Variants in STIM2 observed in about 807,000 individuals in gnomAD.
STIM2 encodes stromal interaction molecule 2.
STIM2 carries 31 observed loss-of-function variants against 85.8 expected under a neutral mutation model. The observed-to-expected ratio is 0.36, with a 90% CI of 0.27 to 0.49. The LOEUF is 0.49. Among genes scored for constraint, STIM2 ranks in the 20% least tolerant of loss-of-function variants. The pLI, the probability that STIM2 is intolerant of heterozygous loss-of-function variation, is 0.98. For missense variants in STIM2, 841 were observed against 927.6 expected (o/e 0.91, Z 1.21); for synonymous variants, 356 against 331.1 (o/e 1.08, Z -0.82).
intron 1 of STIM2, among the ~76,000 whole-genome samples, chr4:26,880,208 C>CT (rs1269185353): frequency 3.3e-5 from 5 of 152,102 alleles, no homozygotes; most frequent in Admixed American, 3.3e-4. Flanking sequence ...ATGTGAAACT[C>CT]TTTCTCTGTT....
intron 3 of STIM2, among the ~76,000 whole-genome samples, chr4:26,959,609 T>C (rs911830837): frequency 2.0e-4 from 30 of 152,208 alleles, no homozygotes; most frequent in African/African-American, 6.5e-4. Flanking sequence ...TTTATTAATG[T>C]ATCCTAAATA....
At chr4:26,927,789 T>C (rs1264984925) in intron 2 of STIM2, among the ~76,000 whole-genome samples, 1 of 138,012 alleles carries the variant, frequency 7.2e-6, no homozygotes, top group Non-Finnish European at 1.5e-5. Flanking sequence ...TAATAAAATA[T>C]ATAAATATAA....
intron 1 of STIM2, among the ~76,000 whole-genome samples, chr4:26,890,916 A>G (rs184342953): frequency 1.3e-5 from 2 of 152,048 alleles, no homozygotes; most frequent in South Asian, 4.2e-4. Context: ...TGATTAACCT[A>G]TATGAGCCTG....
chr4:27,005,986 C>A (rs984920721), intron 7 of STIM2, among the ~76,000 whole-genome samples: 2 of 152,170 alleles, frequency 1.3e-5, no homozygotes, highest in Non-Finnish European at 2.9e-5. Flanking sequence ...TGCGGACTTA[C>A]ATTTTGTGGT....
chr4:26,978,270 CATAT>C (rs201973076), intron 3 of STIM2, among the ~76,000 whole-genome samples: 2,491 of 146,494 alleles, frequency 0.017, 35 homozygotes, highest in Non-Finnish European at 0.027. Flanking sequence ...ATATTTAAAT[CATAT>C]ATATATTTTC....
intron 7 of STIM2, among the ~76,000 whole-genome samples, chr4:27,003,657 A>T (rs949251303): frequency 1.3e-5 from 2 of 151,982 alleles, no homozygotes; most frequent in Non-Finnish European, 2.9e-5. Flanking sequence ...CAGATGCATT[A>T]GTTTCCTGTT....
At chr4:27,000,336 T>TGAGA in intron 5 of STIM2, among the ~76,000 whole-genome samples, 1 of 152,308 alleles carries the variant, frequency 6.6e-6, no homozygotes, top group East Asian at 1.9e-4. Context: ...GGAAATGCAC[T>TGAGA]GTTGGTGGAA....
chr4:26,874,146 G>A, intron 1 of STIM2: 2 of 517,576 alleles, frequency 3.9e-6, no homozygotes, highest in Non-Finnish European at 7.5e-6. Context: ...GTGTTTGCAG[G>A]AGGGGTCTCC....
chr4:27,019,327 A>AG, intron 11 of STIM2: 1 of 769,894 alleles, frequency 1.3e-6, no homozygotes, highest in Admixed American at 2.3e-5. Flanking sequence ...TTATATCTTC[A>AG]TTGCAGTTGG....
rs768814150 is a variant in STIM2, at chr4:26,944,354, C to T, written c.283-13258C>T. 2.4e-4 allele frequency among the ~76,000 whole-genome samples: 36 copies of T among 152,066 alleles called. 1 individual carries two copies. The highest frequency in any genetic ancestry group is 4.1e-4 in the Non-Finnish European group (28 of 68,004). ...CTATTTCCTTAGCAGATTAACCTTA[C>T]TTGCTTCGAGTAACAATATACTTTT... is the stretch of plus-strand genomic sequence containing the variant. On this transcript the variant is annotated intron_variant, in intron 2 of 11. Transcript: ENST00000467087.
chr4:26,872,744 A>G (rs770496952), intron 1 of STIM2, among the ~76,000 whole-genome samples: 6 of 152,226 alleles, frequency 3.9e-5, no homozygotes, highest in Non-Finnish European at 7.3e-5. Context: ...AGAAAATACA[A>G]ATACTATTTT....
At chr4:26,883,796 C>T (rs1723110101) in intron 1 of STIM2, among the ~76,000 whole-genome samples, 1 of 152,162 alleles carries the variant, frequency 6.6e-6, no homozygotes, top group African/African-American at 2.4e-5. Context: ...AAACAAAGCA[C>T]CATGTACAGT....
chr4:26,919,775 T>C (rs1724728267), intron 2 of STIM2, 141 bp downstream of exon 2: 3 of 996,898 alleles, frequency 3.0e-6, no homozygotes, highest in African/African-American at 3.3e-5. Context: ...TACATGTTAA[T>C]TTTACCCTTA....
intron 1 of STIM2, among the ~76,000 whole-genome samples, chr4:26,918,476 C>T (rs973831086): frequency 2.0e-5 from 3 of 152,036 alleles, no homozygotes; most frequent in Admixed American, 6.6e-5. Flanking sequence ...GATAGACTAT[C>T]GATGAGATAA....
intron 11 of STIM2, chr4:27,021,285 T>C (rs1728901333): frequency 2.0e-6 from 1 of 488,492 alleles, no homozygotes; most frequent in South Asian, 2.2e-5. Flanking sequence ...ATATAAAATA[T>C]CATTTTAGGT....
chr4:27,002,928 C>A lies in STIM2; in HGVS notation c.805C>A (p.Leu269Ile). The change falls in exon 7 of 12, where the codon CTT (leucine) becomes ATT (isoleucine). Residue 269 changes from leucine (L) to isoleucine (I), a missense_variant and splice_region_variant. Around this residue, in one of 3 missense-constraint regions of STIM2, gnomAD observed 408 missense variants for 525.4 expected, o/e 0.78. Transcript: ENST00000467087. ...TTTTTATTTTTATTGTTCTATAAGG[C>A]TTGAAAAGGCACAGGAAGAAAACAG... The A allele has an allele frequency of 6.5e-7, 1 of 1,549,256 alleles. No individual in the cohort carries two copies. Among genetic ancestry groups the A allele is most frequent in the South Asian group, 1.3e-5 (1 of 78,566 alleles).
At chr4:26,919,693 T>C in intron 2 of STIM2, 59 bp downstream of exon 2, 1 of 1,573,340 alleles carries the variant, frequency 6.4e-7, no homozygotes, top group Non-Finnish European at 8.6e-7. Context: ...GCATTTCTGT[T>C]TCTGGTCTTC....
At chr4:26,990,962 A>G (rs573002399) in intron 3 of STIM2, among the ~76,000 whole-genome samples, 3 of 152,126 alleles carry the variant, frequency 2.0e-5, no homozygotes, top group Non-Finnish European at 2.9e-5. Context: ...AGAAAGGGGA[A>G]CTCTTACATA....
Position 27,002,957 on chromosome 4 carries a change from T to C in STIM2, c.834T>C (p.Asn278=), listed in dbSNP as rs775510341. 20 of 1,590,708 alleles carry C rather than the reference T, an allele frequency of 1.3e-5. No individual in the cohort carries two copies. The highest frequency in any genetic ancestry group is 1.7e-5 in the Non-Finnish European group (20 of 1,171,984). The stretch of plus-strand genomic sequence containing the variant: ...AAAAGGCACAGGAAGAAAACAGAAA[T>C]GTTGCTGTAGAAAAGCAAAATTTAG... Residue 278 remains asparagine (N), a synonymous_variant, in exon 7 of 12, where the codon AAT becomes AAC. Coordinates refer to ENST00000467087, the MANE Select transcript of STIM2 (RefSeq NM_020860.4).
Sources: gnomAD v4.1 joint callset for allele counts (sites outside exome capture counted in the v4.1 genomes callset) on GRCh38, gnomAD v4.1.1 for gene constraint, gnomAD v4.1.1 regional missense constraint, MANE v1.5 for transcripts, NCBI Gene and HGNC (gene_info 2026-07-23, HGNC 2026-07-21) for gene names.